Variants in THSD7B observed in about 807,000 individuals in gnomAD.
THSD7B encodes thrombospondin type 1 domain containing 7B, also known as thrombospondin type-1 domain-containing protein 7B.
THSD7B carries 138 observed loss-of-function variants against 213.6 expected under a neutral mutation model. The observed-to-expected ratio is 0.65, with a 90% confidence interval of 0.56 to 0.74. The LOEUF (loss-of-function observed/expected upper bound fraction) is 0.74. THSD7B is among the 30% of genes least tolerant of loss of function. THSD7B has a pLI of 0.00. For synonymous variants in THSD7B, 742 were observed against 687.0 expected (o/e 1.08, Z -1.25); for missense variants, 1,931 against 1,991.5 (o/e 0.97, Z 0.58).
chr2:136,789,902 A>G (rs548632695), intron 1 of THSD7B, among the ~76,000 whole-genome samples: 1 of 152,324 alleles, frequency 6.6e-6, no homozygotes, highest in East Asian at 1.9e-4. Context: ...AGCTCATTGC[A>G]TGAGCAAAGG....
intron 7 of THSD7B, among the ~76,000 whole-genome samples, chr2:137,178,416 A>T (rs34712067): frequency 6.6e-6 from 1 of 152,156 alleles, no homozygotes; most frequent in South Asian, 2.1e-4. Context: ...TGACAAATAC[A>T]TTGTATTAAA....
chr2:137,338,155 G>A (rs1423444017), intron 12 of THSD7B, among the ~76,000 whole-genome samples: 1 of 152,108 alleles, frequency 6.6e-6, no homozygotes, highest in African/African-American at 2.4e-5. Flanking sequence ...AAGAATGGTT[G>A]CAGCAGCTCT....
chr2:137,285,224 C>G (rs1281177921), intron 12 of THSD7B, among the ~76,000 whole-genome samples: 1 of 151,998 alleles, frequency 6.6e-6, no homozygotes, highest in Non-Finnish European at 1.5e-5. Context: ...GATTGCAACC[C>G]CTGCCTTTTT....
intron 12 of THSD7B, among the ~76,000 whole-genome samples, chr2:137,327,585 T>A (rs1035901742): frequency 1.2e-4 from 19 of 152,198 alleles, no homozygotes; most frequent in African/African-American, 4.6e-4. Flanking sequence ...CTCCCCATCT[T>A]GCTTTCTCTT....
intron 5 of THSD7B, among the ~76,000 whole-genome samples, chr2:137,124,931 T>A (rs1688606629): frequency 6.6e-6 from 1 of 151,788 alleles, no homozygotes; most frequent in South Asian, 2.1e-4. Context: ...GTAGTCACCA[T>A]GAAGCACAAA....
At chr2:137,520,292 G>T (rs1344941271) in intron 15 of THSD7B, among the ~76,000 whole-genome samples, 1 of 152,054 alleles carries the variant, frequency 6.6e-6, no homozygotes, top group Non-Finnish European at 1.5e-5. Context: ...TCATGAAAAT[G>T]GATGATGATG....
intron 2 of THSD7B, among the ~76,000 whole-genome samples, chr2:136,972,473 C>T (rs573959821): frequency 3.9e-5 from 6 of 152,010 alleles, no homozygotes; most frequent in Admixed American, 6.6e-5. Context: ...TGCATGTATG[C>T]GTGTATGTAT....
At chr2:137,177,095 A>G (rs1047477740) in intron 7 of THSD7B, among the ~76,000 whole-genome samples, 2 of 152,206 alleles carry the variant, frequency 1.3e-5, no homozygotes, top group Non-Finnish European at 1.5e-5. Context: ...ATGATATACT[A>G]TCTCATGAGA....
At chr2:137,297,687 G>T (rs971929254) in intron 12 of THSD7B, among the ~76,000 whole-genome samples, 1 of 151,984 alleles carries the variant, frequency 6.6e-6, no homozygotes, top group African/African-American at 2.4e-5. Context: ...TTGAATCATG[G>T]GGGACAGTCT....
rs1005263554 is a variant in THSD7B, at chr2:136,904,413, A to G, written c.139+22096A>G. ...GTGACAGGGGTCACTTACCACCCCA[A>G]CCACTGGAAGGGTTTCTACTCAGAA... On this transcript the variant is annotated intron_variant, in intron 2 of 27. Coordinates refer to ENST00000409968, the MANE Select transcript of THSD7B (RefSeq NM_001316349.2). 2.1e-4 allele frequency among the ~76,000 whole-genome samples: 32 copies of G among 152,208 alleles called. 1 individual carries two copies. The highest frequency in any genetic ancestry group is 2.1e-3 in the Admixed American group (32 of 15,282).
At chr2:137,486,344 T>C (rs1688443615) in intron 15 of THSD7B, among the ~76,000 whole-genome samples, 1 of 147,356 alleles carries the variant, frequency 6.8e-6, no homozygotes, top group Non-Finnish European at 1.5e-5. Flanking sequence ...GGAGTTGCAA[T>C]CCTAGTCTCT....
intron 7 of THSD7B, among the ~76,000 whole-genome samples, chr2:137,176,872 T>A (rs866512289): frequency 1.3e-5 from 2 of 152,204 alleles, no homozygotes; most frequent in Non-Finnish European, 2.9e-5. Flanking sequence ...CCTGCCTCAC[T>A]TCCCCACTTT....
intron 1 of THSD7B, among the ~76,000 whole-genome samples, chr2:136,825,004 T>C (rs1359449952): frequency 6.6e-6 from 1 of 152,194 alleles, no homozygotes; most frequent in Non-Finnish European, 1.5e-5. Flanking sequence ...ATATATTAGG[T>C]TTCTGGTTTA....
chr2:137,040,790 C>G (rs1235097430), intron 2 of THSD7B, among the ~76,000 whole-genome samples: 1 of 152,142 alleles, frequency 6.6e-6, no homozygotes, highest in Non-Finnish European at 1.5e-5. Context: ...GGGACTCTTA[C>G]TGAGCCTACA....
At chr2:136,937,193 A>C (rs1161161169) in intron 2 of THSD7B, among the ~76,000 whole-genome samples, 1 of 151,958 alleles carries the variant, frequency 6.6e-6, no homozygotes. Flanking sequence ...TTACTCTTGC[A>C]TTTACTCAGA....
chr2:137,505,346 G>A (rs1679810112), intron 15 of THSD7B, among the ~76,000 whole-genome samples: 1 of 152,230 alleles, frequency 6.6e-6, no homozygotes, highest in East Asian at 1.9e-4. Flanking sequence ...ATGAGCTTCT[G>A]TGGCTCCAAG....
intron 12 of THSD7B, among the ~76,000 whole-genome samples, chr2:137,277,231 T>G (rs1682896278): frequency 6.6e-6 from 1 of 152,072 alleles, no homozygotes; most frequent in Non-Finnish European, 1.5e-5. Context: ...GCAAGGATAT[T>G]GTATGTAAAT....
intron 14 of THSD7B, among the ~76,000 whole-genome samples, chr2:137,414,988 G>A (rs576272095): frequency 3.4e-5 from 5 of 148,362 alleles, no homozygotes; most frequent in Admixed American, 2.8e-4. Context: ...CTTCGTAGGC[G>A]GAAATTGCAG....
intron 4 of THSD7B, among the ~76,000 whole-genome samples, chr2:137,097,272 T>C (rs1458042215): frequency 6.6e-6 from 1 of 152,178 alleles, no homozygotes; most frequent in African/African-American, 2.4e-5. Flanking sequence ...GTCAGAATGG[T>C]ACCTTCCTGT....
Sources: gnomAD v4.1 joint callset for allele counts (sites outside exome capture counted in the v4.1 genomes callset) on GRCh38, gnomAD v4.1.1 for gene constraint, MANE v1.5 for transcripts, NCBI Gene and HGNC (gene_info 2026-07-23, HGNC 2026-07-21) for gene names.